Variants in MEF2A observed in about 807,000 individuals in gnomAD.
The protein encoded by MEF2A is myocyte enhancer factor 2A.
In MEF2A, 28 loss-of-function variants were observed where a neutral mutation model predicts 55.8. The observed-to-expected ratio is 0.50, with a 90% CI of 0.37 to 0.69. The LOEUF (loss-of-function observed/expected upper bound fraction) is 0.69. Ranked by LOEUF, MEF2A falls within the 30% of genes least tolerant of loss-of-function variation. The probability of loss-of-function intolerance (pLI) is 0.00; values close to 1 mark genes in which losing one functional copy is unlikely to be tolerated. For missense variants in MEF2A, 528 were observed against 626.2 expected, an observed-to-expected ratio of 0.84 and a Z score of 1.67; for synonymous variants, 239 against 227.1, an observed-to-expected ratio of 1.05 and a Z score of -0.47.
intron 2 of MEF2A, among the ~76,000 whole-genome samples, chr15:99,614,615 G>T (rs1020711323): frequency 4.6e-5 from 7 of 152,144 alleles, no homozygotes; most frequent in African/African-American, 7.2e-5. Flanking sequence ...TACAGTTGAG[G>T]TAAATGCCAT....
intron 1 of MEF2A, among the ~76,000 whole-genome samples, chr15:99,573,410 G>A (rs1963208636): frequency 6.6e-6 from 1 of 151,864 alleles, no homozygotes; most frequent in Non-Finnish European, 1.5e-5. Flanking sequence ...CTTACTTTAT[G>A]TGTTTTCTAT....
Position 99,706,775 on chromosome 15 carries a change from C to T in MEF2A, c.929C>T (p.Thr310Ile). Residue 310 changes from threonine to isoleucine, a missense_variant, in exon 10 of 12, where the codon ACC (threonine) becomes ATC (isoleucine). Physicochemically the swap from Thr to Ile is moderately conservative, Grantham distance 89. Around this residue, in one of 2 missense-constraint regions of MEF2A, gnomAD observed 450 missense variants for 475.3 expected, o/e 0.95. Coordinates refer to ENST00000557942, the MANE Select transcript of MEF2A (RefSeq NM_001319206.4). ...SSSQATQPLA[T>I]PVVSVTTPSL... Reference sequence around the variant, plus strand: ...TCTCAAGCCACTCAACCTCTTGCTACCCCAGTCGTGTCTGTGACAACCCCA... The same window carrying T: ...TCTCAAGCCACTCAACCTCTTGCTATCCCAGTCGTGTCTGTGACAACCCCA... The T allele has an allele frequency of 2.5e-6, 4 of 1,613,892 alleles. No individual in the cohort carries two copies. The highest frequency in any genetic ancestry group is 3.4e-6 in the Non-Finnish European group (4 of 1,179,766).
At chr15:99,604,245 C>T (rs1596412054) in intron 2 of MEF2A, among the ~76,000 whole-genome samples, 1 of 152,140 alleles carries the variant, frequency 6.6e-6, no homozygotes, top group Non-Finnish European at 1.5e-5. Flanking sequence ...ATCCCACTTA[C>T]TCCAGGTTTT....
At chr15:99,649,731 C>G (rs2046532797) in intron 4 of MEF2A, among the ~76,000 whole-genome samples, 1 of 152,088 alleles carries the variant, frequency 6.6e-6, no homozygotes, top group Non-Finnish European at 1.5e-5. Flanking sequence ...TGCCATTGTT[C>G]ATACACATGC....
chr15:99,690,815 C>T (rs993888224), intron 8 of MEF2A, among the ~76,000 whole-genome samples: 32 of 151,830 alleles, frequency 2.1e-4, no homozygotes, highest in African/African-American at 7.3e-4. Context: ...GGGTGGGAGA[C>T]GGGATGAAGA....
intron 1 of MEF2A, among the ~76,000 whole-genome samples, chr15:99,590,932 T>C (rs1969065102): frequency 6.6e-6 from 1 of 151,070 alleles, no homozygotes; most frequent in African/African-American, 2.4e-5. Flanking sequence ...TAGAGCTAGG[T>C]TTCTATCTGC....
chr15:99,626,219 C>A (rs1224426440), intron 2 of MEF2A, among the ~76,000 whole-genome samples: 1 of 152,006 alleles, frequency 6.6e-6, no homozygotes, highest in Non-Finnish European at 1.5e-5. Flanking sequence ...GGAATTTGTC[C>A]ATTTTATCTA....
chr15:99,649,142 G>C (rs1015854755), intron 4 of MEF2A, among the ~76,000 whole-genome samples: 2 of 151,782 alleles, frequency 1.3e-5, no homozygotes, highest in Admixed American at 1.3e-4. Flanking sequence ...TTCTATACAG[G>C]TTTATTTTTT....
intron 1 of MEF2A, among the ~76,000 whole-genome samples, chr15:99,580,609 C>G (rs1023353132): frequency 3.3e-5 from 5 of 152,188 alleles, no homozygotes; most frequent in African/African-American, 1.2e-4. Context: ...GCAAGTCTTA[C>G]TGCTTTTTCT....
chr15:99,567,626 ACTGT>A (rs1017114884), intron 1 of MEF2A, among the ~76,000 whole-genome samples: 6 of 122,014 alleles, frequency 4.9e-5, no homozygotes, highest in Admixed American at 1.7e-4. Context: ...TTTTGTATGT[ACTGT>A]GTGTGTGTGT....
At chr15:99,623,988 T>C (rs1275851455) in intron 2 of MEF2A, among the ~76,000 whole-genome samples, 1 of 152,096 alleles carries the variant, frequency 6.6e-6, no homozygotes, top group African/African-American at 2.4e-5. Context: ...TTGTATATAA[T>C]AGAGATTGGG....
intron 1 of MEF2A, among the ~76,000 whole-genome samples, chr15:99,566,834 C>T (rs950167296): frequency 6.6e-6 from 1 of 151,930 alleles, no homozygotes; most frequent in Non-Finnish European, 1.5e-5. Context: ...CGGTTGCGGA[C>T]GCCCGATCGT....
At chr15:99,606,028 A>G (rs1368886190) in intron 2 of MEF2A, among the ~76,000 whole-genome samples, 1 of 152,198 alleles carries the variant, frequency 6.6e-6, no homozygotes, top group Non-Finnish European at 1.5e-5. Flanking sequence ...AAAAACTTAT[A>G]TAAATCTACA....
chr15:99,611,010 G>C (rs1977068973), intron 2 of MEF2A, among the ~76,000 whole-genome samples: 1 of 152,256 alleles, frequency 6.6e-6, no homozygotes, highest in Non-Finnish European at 1.5e-5. Context: ...GGGAGGCCGA[G>C]GTGGGTGGAT....
At position 99,711,955 on chromosome 15, in the gene MEF2A, G is replaced by A. The variant is rs1427273652; in HGVS notation, c.1137-435G>A. Among the ~76,000 whole-genome samples, 3 of 152,216 alleles carry A rather than the reference G, an allele frequency of 2.0e-5. No individual in the cohort carries two copies. In the East Asian group the frequency reaches 5.8e-4, roughly 29 times the overall value. The stretch of plus-strand genomic sequence containing the variant: ...TCCTCATCTGGAAAATGGGGATGGT[G>A]CGACTTGCACCTTAGAGGTGTTGCG... On this transcript the variant is annotated intron_variant, in intron 11 of 11. Transcript: ENST00000557942.
chr15:99,612,871 A>G lies in MEF2A; in HGVS notation c.-143+14360A>G, dbSNP rs191052527. On this transcript the variant is annotated intron_variant, in intron 2 of 11. Coordinates refer to ENST00000557942, the MANE Select transcript of MEF2A (RefSeq NM_001319206.4). ...TGTTGAAACTATTTTTCCTTCAGAA[A>G]TGTGAAGAATATAAAATTCTTCTCA... 1.6e-3 allele frequency among the ~76,000 whole-genome samples: 249 copies of G among 152,242 alleles called. 3 individuals are homozygous for G. The highest frequency in any genetic ancestry group is 0.016 in the Admixed American group (240 of 15,296).
At chr15:99,693,314 A>C (rs567722459) in intron 8 of MEF2A, among the ~76,000 whole-genome samples, 33 of 152,346 alleles carry the variant, frequency 2.2e-4, no homozygotes, top group African/African-American at 7.2e-4. Flanking sequence ...TAACATATTT[A>C]TAATTGGACT....
intron 7 of MEF2A, among the ~76,000 whole-genome samples, chr15:99,688,290 C>T (rs1386743592): frequency 6.6e-6 from 1 of 152,136 alleles, no homozygotes; most frequent in Admixed American, 6.5e-5. Flanking sequence ...CAGAAAACTA[C>T]CTCAGGCTTA....
At chr15:99,709,959 C>G (rs1036667696) in intron 10 of MEF2A, among the ~76,000 whole-genome samples, 2 of 152,178 alleles carry the variant, frequency 1.3e-5, no homozygotes, top group African/African-American at 4.8e-5. Flanking sequence ...TCTTTCCTGT[C>G]CCCTATTCCC....
Sources: gnomAD v4.1 joint callset for allele counts (sites outside exome capture counted in the v4.1 genomes callset) on GRCh38, gnomAD v4.1.1 for gene constraint, gnomAD v4.1.1 regional missense constraint, MANE v1.5 for transcripts, NCBI Gene and HGNC (gene_info 2026-07-23, HGNC 2026-07-21) for gene names.